Variants in TGFBR3 observed in about 807,000 individuals in gnomAD.
The protein encoded by TGFBR3 is transforming growth factor beta receptor type 3.
TGFBR3 carries 46 observed loss-of-function variants against 87.9 expected under a neutral mutation model. The observed-to-expected ratio is 0.52, with a 90% CI of 0.41 to 0.67. TGFBR3 has a LOEUF of 0.67. Ranked by LOEUF, TGFBR3 falls within the 30% of genes least tolerant of loss-of-function variation. The pLI, the probability that TGFBR3 is intolerant of heterozygous loss-of-function variation, is 0.00. For synonymous variants in TGFBR3, 381 were observed against 391.6 expected (o/e 0.97, Z 0.32); for missense variants, 866 against 1,041.9 (o/e 0.83, Z 2.32).
chr1:91,681,395 CCTCT>C lies in TGFBR3; in HGVS notation c.*2340_*2343del, dbSNP rs751440711. The C allele has an allele frequency of 6.0e-5, 24 of 398,152 alleles. No homozygotes were observed. Among genetic ancestry groups the C allele is most frequent in the African/African-American group, 2.5e-4 (12 of 47,582 alleles). The allele number at this position is 398,152 out of a possible 1,614,324, so 24.7% of individuals were successfully genotyped here. On this transcript the variant is annotated 3_prime_UTR_variant, in exon 17 of 17. Coordinates refer to ENST00000212355, the MANE Select transcript of TGFBR3 (RefSeq NM_003243.5). Reference sequence around the variant, plus strand: ...CAAACAAATAAAAGGTGATTTTTTTCCTCTCTCTCTCTTTTAAAAAGATCTTTTG... The same window carrying C: ...CAAACAAATAAAAGGTGATTTTTTTCCTCTCTCTTTTAAAAAGATCTTTTG...
At chr1:91,735,750 T>C (rs1272003033) in intron 4 of TGFBR3, among the ~76,000 whole-genome samples, 1 of 152,194 alleles carries the variant, frequency 6.6e-6, no homozygotes, top group African/African-American at 2.4e-5. Flanking sequence ...AAAATCATCA[T>C]CTTGTTGCTG....
rs937276095 is a variant in TGFBR3, at chr1:91,683,655, G to A, written c.*84C>T. The A allele has an allele frequency of 1.2e-5, 14 of 1,138,736 alleles. No homozygotes were observed. The highest frequency in any genetic ancestry group is 3.1e-5 in the African/African-American group (2 of 65,236). The allele number at this position is 1,138,736 out of a possible 1,614,324, so 70.5% of individuals were successfully genotyped here. On this transcript the variant is annotated 3_prime_UTR_variant, in exon 17 of 17. Transcript: ENST00000212355. ...AATCCAGCCCTCTGAGTCTGGACAC[G>A]AGGCTCAGCCATTGGTCCTGCCCTT...
At chr1:91,780,850 A>C (rs1674737718) in intron 3 of TGFBR3, among the ~76,000 whole-genome samples, 1 of 148,570 alleles carries the variant, frequency 6.7e-6, no homozygotes, top group African/African-American at 2.5e-5. Context: ...GAGCCACTGC[A>C]CCCGGCCTTC....
At chr1:91,753,138 C>A (rs1158241374) in intron 4 of TGFBR3, among the ~76,000 whole-genome samples, 1 of 151,650 alleles carries the variant, frequency 6.6e-6, no homozygotes, top group Non-Finnish European at 1.5e-5. Flanking sequence ...ATAAACCCAG[C>A]ACTTTGGGAG....
chr1:91,832,264 G>A (rs938248107), intron 2 of TGFBR3, among the ~76,000 whole-genome samples: 5 of 152,266 alleles, frequency 3.3e-5, no homozygotes, highest in Admixed American at 2.6e-4. Context: ...TGGAAAAACA[G>A]CTAGTGGCCC....
intron 8 of TGFBR3, among the ~76,000 whole-genome samples, chr1:91,720,877 T>A (rs1672346132): frequency 6.6e-6 from 1 of 152,224 alleles, no homozygotes; most frequent in African/African-American, 2.4e-5. Flanking sequence ...GACAGCTAAA[T>A]TTTAACAGGT....
intron 4 of TGFBR3, among the ~76,000 whole-genome samples, chr1:91,750,138 C>A (rs1372871367): frequency 2.6e-5 from 4 of 152,184 alleles, no homozygotes; most frequent in African/African-American, 9.7e-5. Flanking sequence ...TGACGCAAGT[C>A]CAGCCAGAGC....
At chr1:91,756,114 T>C (rs1673732958) in intron 4 of TGFBR3, among the ~76,000 whole-genome samples, 1 of 150,918 alleles carries the variant, frequency 6.6e-6, no homozygotes, top group Non-Finnish European at 1.5e-5. Flanking sequence ...TGCACTGCCT[T>C]TGCTCATAAT....
intron 2 of TGFBR3, among the ~76,000 whole-genome samples, chr1:91,851,055 CAACA>C (rs1677711343): frequency 6.6e-6 from 1 of 152,164 alleles, no homozygotes; most frequent in Admixed American, 6.5e-5. Flanking sequence ...CCCTCATTGC[CAACA>C]AACAGAGTAA....
intron 13 of TGFBR3, among the ~76,000 whole-genome samples, chr1:91,711,911 G>C (rs1437624235): frequency 1.3e-5 from 2 of 152,178 alleles, no homozygotes; most frequent in Non-Finnish European, 2.9e-5. Context: ...TTCTCACAAT[G>C]AACTTGTCCT....
At chr1:91,887,866 C>G (rs1295376189), upstream of TGFBR3, among the ~76,000 whole-genome samples, 1 of 152,138 alleles carries the variant, frequency 6.6e-6, no homozygotes, top group Non-Finnish European at 1.5e-5. Flanking sequence ...GCATAATATT[C>G]TGAAGGAATA....
At chr1:91,757,013 C>T (rs1048889092) in intron 4 of TGFBR3, among the ~76,000 whole-genome samples, 1 of 152,080 alleles carries the variant, frequency 6.6e-6, no homozygotes, top group African/African-American at 2.4e-5. Context: ...TCTATAGGCT[C>T]AATTATAATT....
chr1:91,898,403 T>C (rs1679598906), intron 2 of TGFBR3, among the ~76,000 whole-genome samples: 1 of 152,160 alleles, frequency 6.6e-6, no homozygotes, highest in Admixed American at 6.6e-5. Flanking sequence ...ACATAATCTG[T>C]AACTTGCTTT....
intron 1 of TGFBR3, among the ~76,000 whole-genome samples, chr1:91,872,148 C>T (rs1160258068): frequency 6.6e-6 from 1 of 152,158 alleles, no homozygotes; most frequent in Non-Finnish European, 1.5e-5. Context: ...GCTTCCTATC[C>T]CTGTAGGAAC....
intron 4 of TGFBR3, among the ~76,000 whole-genome samples, chr1:91,752,747 G>A (rs1673593576): frequency 6.6e-6 from 1 of 152,012 alleles, no homozygotes; most frequent in South Asian, 2.1e-4. Flanking sequence ...TAGAGGCCGG[G>A]CATAGTGGCT....
chr1:91,800,284 G>A (rs1228574151), intron 2 of TGFBR3, among the ~76,000 whole-genome samples: 1 of 138,434 alleles, frequency 7.2e-6, no homozygotes, highest in Admixed American at 7.1e-5. Flanking sequence ...ACACACTCAC[G>A]CATATATATA....
chr1:91,814,364 A>G (rs986748185), intron 2 of TGFBR3, among the ~76,000 whole-genome samples: 1 of 152,182 alleles, frequency 6.6e-6, no homozygotes, highest in African/African-American at 2.4e-5. Flanking sequence ...TTTATCCTAG[A>G]TTTCAACCTT....
intron 5 of TGFBR3, among the ~76,000 whole-genome samples, chr1:91,730,736 T>C (rs1289016650): frequency 1.3e-5 from 2 of 152,234 alleles, no homozygotes; most frequent in Non-Finnish European, 1.5e-5. Context: ...TATGTATTCC[T>C]CACAGCACTT....
rs138076525 is a variant in TGFBR3 at position 91,706,493 on chromosome 1, C to T, written c.2287+2170G>A. On this transcript the variant is annotated intron_variant, in intron 14 of 16. Coordinates refer to ENST00000212355, the MANE Select transcript of TGFBR3 (RefSeq NM_003243.5). ...CAGTTGACAAATGTCATAGCAAAGC[C>T]TAGAGGTTACCCTATATGGTCTAAA... Among the ~76,000 whole-genome samples the T allele has an allele frequency of 2.5e-3, 374 of 150,178 alleles. 1 individual carries two copies. Among genetic ancestry groups the T allele is most frequent in the Admixed American group, 6.8e-3 (103 of 15,208 alleles).
Sources: gnomAD v4.1 joint callset for allele counts (sites outside exome capture counted in the v4.1 genomes callset) on GRCh38, gnomAD v4.1.1 for gene constraint, MANE v1.5 for transcripts, NCBI Gene and HGNC (gene_info 2026-07-23, HGNC 2026-07-21) for gene names.